PTBP2: variants seen among roughly 807,000 people sequenced by gnomAD.
PTBP2 encodes polypyrimidine tract-binding protein 2.
In PTBP2, 13 loss-of-function variants were observed where a neutral mutation model predicts 61.4. The observed-to-expected ratio is 0.21, with a 90% CI of 0.14 to 0.34. The LOEUF is 0.34. Among genes scored for constraint, PTBP2 ranks in the 10% least tolerant of loss-of-function variants. PTBP2 has a pLI of 1.00. For synonymous variants in PTBP2, 215 were observed against 218.5 expected (o/e 0.98, Z 0.14); for missense variants, 405 against 642.6 (o/e 0.63, Z 4.00).
At position 96,751,658 on chromosome 1, in the gene PTBP2, G is replaced by GAA. The variant is rs35745353; in HGVS notation, c.115+171_115+172dup. On this transcript the variant is annotated intron_variant, in intron 3 of 13. Coordinates refer to ENST00000674951, the MANE Select transcript of PTBP2 (RefSeq NM_021190.4). ...TACTAAAGTATATATGAGCCGAGTG[G>GAA]AAAAAAAAAAAAAACCTGAAGCTGG... Among the ~76,000 whole-genome samples the GAA allele has an allele frequency of 6.8e-4, 97 of 143,186 alleles. 1 individual carries two copies. Among genetic ancestry groups the GAA allele is most frequent in the South Asian group, 2.8e-3 (13 of 4,582 alleles). The allele number at this position is 143,186 out of a possible 152,430, so 93.9% of individuals were successfully genotyped here.
At chr1:96,820,922 T>G (rs921657010) in exon 14 of PTBP2, 8 of 152,206 alleles carry the variant, frequency 5.3e-5, no homozygotes, top group African/African-American at 9.7e-5. Flanking sequence ...ATAACTGACT[T>G]ACTACTTTCA....
At chr1:96,773,379 T>C (rs1378322556) in intron 5 of PTBP2, among the ~76,000 whole-genome samples, 1 of 152,072 alleles carries the variant, frequency 6.6e-6, no homozygotes, top group Non-Finnish European at 1.5e-5. Context: ...TTGGTCATCT[T>C]TTTTTTGTAG....
intron 8 of PTBP2, among the ~76,000 whole-genome samples, chr1:96,792,760 A>G (rs1229428278): frequency 6.6e-6 from 1 of 152,170 alleles, no homozygotes; most frequent in Admixed American, 6.5e-5. Flanking sequence ...TTGAACTTAT[A>G]TTTTTATCTT....
At chr1:96,740,229 C>T (rs148195690) in intron 2 of PTBP2, among the ~76,000 whole-genome samples, 101 of 152,224 alleles carry the variant, frequency 6.6e-4, no homozygotes, top group African/African-American at 2.3e-3. Context: ...AACAGAGATT[C>T]GTTTTCTCAC....
intron 8 of PTBP2, 35 bp downstream of exon 8, chr1:96,785,289 A>G (rs952039724): frequency 6.8e-7 from 1 of 1,467,788 alleles, no homozygotes; most frequent in South Asian, 1.4e-5. Context: ...CTTTTCTCCC[A>G]TTTTGCCAAA....
chr1:96,745,781 C>T (rs1469580688), intron 2 of PTBP2, among the ~76,000 whole-genome samples: 4 of 151,934 alleles, frequency 2.6e-5, no homozygotes, highest in East Asian at 1.9e-4. Context: ...AAGATTTTGA[C>T]TTAGGCCGGG....
At chr1:96,768,064 A>C (rs1021884685) in intron 3 of PTBP2, among the ~76,000 whole-genome samples, 1 of 152,080 alleles carries the variant, frequency 6.6e-6, no homozygotes, top group African/African-American at 2.4e-5. Context: ...TCACTTAGAG[A>C]TACCTTCTCT....
chr1:96,770,703 T>C lies in PTBP2; in HGVS notation c.289-5T>C. ...TATTAAAAATTGTGCTACTTAAATT[T>C]TCAGGCATTTTTGGAACTAGCAACC... On this transcript the variant is annotated splice_polypyrimidine_tract_variant and splice_region_variant and intron_variant, in intron 4 of 13. Coordinates refer to ENST00000674951, the MANE Select transcript of PTBP2 (RefSeq NM_021190.4). The C allele has an allele frequency of 6.2e-7, 1 of 1,608,730 alleles. No homozygotes were observed. The highest frequency in any genetic ancestry group is 8.5e-7 in the Non-Finnish European group (1 of 1,176,188).
At chr1:96,739,875 C>T (rs949506261) in intron 2 of PTBP2, among the ~76,000 whole-genome samples, 3 of 151,868 alleles carry the variant, frequency 2.0e-5, no homozygotes, top group East Asian at 3.9e-4. Context: ...CCGCCTGCCT[C>T]GGCCTCCCAA....
intron 2 of PTBP2, among the ~76,000 whole-genome samples, chr1:96,728,531 A>T (rs1354087564): frequency 6.6e-6 from 1 of 152,066 alleles, no homozygotes; most frequent in Non-Finnish European, 1.5e-5. Context: ...TCTTTTTTGT[A>T]TTGACCCATT....
rs669283 is a variant in PTBP2, at chr1:96,779,063, G to A, written c.708+1117G>A. Among the ~76,000 whole-genome samples, 94 of 152,218 alleles carry A rather than the reference G, an allele frequency of 6.2e-4. 1 individual carries two copies. In the South Asian group the frequency reaches 0.011, roughly 18 times the overall value. ...TACTTACAGTGAACACCACCTATAA[G>A]GTAGACATTTTTTCAGTCTTAGCCT... On this transcript the variant is annotated intron_variant, in intron 7 of 13. Transcript: ENST00000674951.
intron 2 of PTBP2, among the ~76,000 whole-genome samples, chr1:96,724,638 TCAAA>T (rs1189892234): frequency 1.4e-5 from 2 of 140,650 alleles, no homozygotes; most frequent in East Asian, 2.2e-4. Context: ...TGCTGACTGT[TCAAA>T]CATTTTTTCG....
rs759172391 is a variant in PTBP2, at chr1:96,741,511, ATTGGCCTCCTAAAGTG to A, written c.40-9913_40-9898del. 3.9e-5 allele frequency among the ~76,000 whole-genome samples: 6 copies of A among 152,176 alleles called. No homozygotes were observed. In the East Asian group the frequency reaches 9.7e-4, roughly 25 times the overall value. The stretch of plus-strand genomic sequence containing the variant: ...TCCCAGGCTCAAGCAGTTCTCCCGC[ATTGGCCTCCTAAAGTG>A]CTGAGATTACAGGCGTGAGTCGCTG... On this transcript the variant is annotated intron_variant, in intron 2 of 13. Transcript: ENST00000674951.
In PTBP2 at chr1:96,735,589, T is replaced by G. The variant is rs1055950547; in HGVS notation, c.39+11995T>G. ...TCTACATTTGGAAGGAACACTTTTA[T>G]GGAAATCAAATACAGTAAATTAATT... On this transcript the variant is annotated intron_variant, in intron 2 of 13. Coordinates refer to ENST00000674951, the MANE Select transcript of PTBP2 (RefSeq NM_021190.4). Among the ~76,000 whole-genome samples, 60 of 151,710 alleles carry G rather than the reference T, an allele frequency of 4.0e-4. 1 individual carries two copies. The highest frequency in any genetic ancestry group is 3.7e-3 in the Admixed American group (57 of 15,204).
At chr1:96,771,934 C>T (rs1368298783) in intron 5 of PTBP2, among the ~76,000 whole-genome samples, 2 of 152,098 alleles carry the variant, frequency 1.3e-5, no homozygotes, top group African/African-American at 2.4e-5. Context: ...TGTTTTTCCT[C>T]TGCTCACACC....
intron 11 of PTBP2, among the ~76,000 whole-genome samples, chr1:96,808,671 G>A (rs1017818053): frequency 2.6e-5 from 4 of 152,068 alleles, no homozygotes; most frequent in Non-Finnish European, 5.9e-5. Flanking sequence ...TGCTAGTAGG[G>A]CTTATAATTT....
rs746856604 is a variant in PTBP2, at chr1:96,806,858, CA to C, written c.1079-2del. On this transcript the variant is annotated splice_region_variant and splice_polypyrimidine_tract_variant and intron_variant, in intron 10 of 13. Transcript: ENST00000674951. Reference sequence around the variant, plus strand: ...TTTTTGGATTACCTCTCTGTGGCTCCAAAAAAGGTGTTTATGGAGATGTGCA... The same window carrying C: ...TTTTTGGATTACCTCTCTGTGGCTCCAAAAAGGTGTTTATGGAGATGTGCA... 1.9e-6 allele frequency: 3 copies of C among 1,603,792 alleles called. No homozygotes were observed. Among genetic ancestry groups the C allele is most frequent in the Admixed American group, 1.7e-5 (1 of 57,450 alleles).
intron 11 of PTBP2, 143 bp from the exon 12 acceptor site, chr1:96,812,569 T>G: frequency 1.4e-6 from 1 of 690,374 alleles, no homozygotes; most frequent in Non-Finnish European, 2.4e-6. Flanking sequence ...TGTACTTAAG[T>G]CTTATCACCA....
chr1:96,782,338 T>C (rs2101061848), intron 7 of PTBP2, among the ~76,000 whole-genome samples: 1 of 152,156 alleles, frequency 6.6e-6, no homozygotes, highest in African/African-American at 2.4e-5. Context: ...ATAAAACATT[T>C]GCAGCAGTAA....
Sources: gnomAD v4.1 joint callset for allele counts (sites outside exome capture counted in the v4.1 genomes callset) on GRCh38, gnomAD v4.1.1 for gene constraint, MANE v1.5 for transcripts, NCBI Gene and HGNC (gene_info 2026-07-23, HGNC 2026-07-21) for gene names.